The following LRP3 variants were observed in gnomAD, a reference collection of about 807,000 sequenced individuals.
LRP3 encodes low-density lipoprotein receptor-related protein 3.
Under a neutral mutation model 58.5 loss-of-function variants are expected in LRP3, and 49 were observed. The ratio of observed to expected loss-of-function variants is 0.84; its 90% CI spans 0.67 to 1.06. LRP3 has a LOEUF of 1.06. Among genes scored for constraint, LRP3 ranks in the 50% least tolerant of loss-of-function variants. The probability of loss-of-function intolerance (pLI) is 0.00; values close to 1 mark genes in which losing one functional copy is unlikely to be tolerated. For synonymous variants in LRP3, 485 were observed against 492.2 expected (o/e 0.99, Z 0.20); for missense variants, 1,019 against 1,134.2 (o/e 0.90, Z 1.46).
intron 1 of LRP3, 105 bp downstream of exon 1, chr19:33,194,963 C>T: frequency 2.1e-6 from 1 of 473,624 alleles, no homozygotes; most frequent in Non-Finnish European, 2.9e-6. Context: ...AGCCCCCCAC[C>T]GCGGTGGCTC....
In LRP3 at chr19:33,207,261, C is replaced by T. The variant is rs1974431030; in HGVS notation, c.1999C>T (p.Pro667Ser). The change falls in exon 7 of 7, where the codon CCC becomes TCC. Residue 667 changes from proline to serine, a missense_variant. By Grantham distance (74) the Pro-to-Ser change is moderately conservative (BLOSUM62 -1). Coordinates refer to ENST00000253193, the MANE Select transcript of LRP3 (RefSeq NM_002333.4). ...TGSTRAAGDR[P>S]PSAPGRAPEV... ...CAGCACCAGGGCGGCCGGAGACAGG[C>T]CCCCCAGTGCCCCCGGCCGTGCACC... The T allele has an allele frequency of 2.6e-6, 4 of 1,548,038 alleles. No individual in the cohort carries two copies. The highest frequency in any genetic ancestry group is 1.2e-5 in the South Asian group (1 of 83,126).
chr19:33,202,357 G>A (rs977174319), intron 2 of LRP3, among the ~76,000 whole-genome samples: 2 of 152,234 alleles, frequency 1.3e-5, no homozygotes, highest in African/African-American at 2.4e-5. Flanking sequence ...ACCTTACTCA[G>A]TGTGCCTACC....
Position 33,205,859 on chromosome 19 carries a change from G to A in LRP3, c.1089G>A (p.Gln363=). The change falls in exon 5 of 7, where the codon CAG becomes CAA. Residue 363 remains glutamine (Q), a synonymous_variant. Transcript: ENST00000253193. Reference sequence around the variant, plus strand: ...GCCACGGCTTCAATGCCACCTACCAGGTGAAGGGCTATTGCCTCCCCTGGG... The same window carrying A: ...GCCACGGCTTCAATGCCACCTACCAAGTGAAGGGCTATTGCCTCCCCTGGG... ...SAGHGFNATY[Q]VKGYCLPWEQ... is the part of the protein sequence containing the mutation. 1 of 1,602,382 alleles carries A rather than the reference G, an allele frequency of 6.2e-7. No individual in the cohort carries two copies. Among genetic ancestry groups the A allele is most frequent in the Non-Finnish European group, 8.5e-7 (1 of 1,174,442 alleles).
rs772392322 is a variant in LRP3 at position 33,206,142 on chromosome 19, G to A, written c.1372G>A (p.Gly458Ser). The A allele has an allele frequency of 1.4e-5, 22 of 1,607,958 alleles. No individual in the cohort carries two copies. In the Admixed American group the frequency reaches 2.3e-4, roughly 17 times the overall value. The change falls in exon 5 of 7, where the codon GGC (glycine) becomes AGC (serine). Residue 458 changes from glycine to serine, a missense_variant. Around this residue, in one of 2 missense-constraint regions of LRP3, gnomAD observed 592 missense variants for 725.5 expected, o/e 0.82. Coordinates refer to ENST00000253193, the MANE Select transcript of LRP3 (RefSeq NM_002333.4). ...GAAGAACTGCTTCTCCTGCCAGCCC[G>A]GCACCTTCCACTGCGGTACCAACCT... ...DEKNCFSCQPGTFHCGTNLCI... is the reference protein window; with the variant it reads ...DEKNCFSCQPSTFHCGTNLCI...
Position 33,194,485 on chromosome 19 carries a change from G to A in LRP3, c.-301G>A, listed in dbSNP as rs972869682. On this transcript the variant is annotated 5_prime_UTR_variant, in exon 1 of 7. Transcript: ENST00000253193. ...CCAGGCCGGCCGCGGCGGGGCTCCCGGGGCGCGGGGGCAGCGGCGGGCGGG... is the reference window on the plus strand; with the variant it reads ...CCAGGCCGGCCGCGGCGGGGCTCCCAGGGCGCGGGGGCAGCGGCGGGCGGG... 1 of 144,342 alleles carries A rather than the reference G, an allele frequency of 6.9e-6. No individual in the cohort carries two copies. Among genetic ancestry groups the A allele is most frequent in the African/African-American group, 2.5e-5 (1 of 40,332 alleles). 8.9% of individuals were successfully genotyped at this position (144,342 alleles called of 1,614,324 possible). A position where few individuals can be genotyped will look rare whatever the true frequency, so the allele number is the denominator to read the frequency against.
intron 1 of LRP3, among the ~76,000 whole-genome samples, chr19:33,196,414 C>A (rs574588104): frequency 3.9e-5 from 6 of 152,284 alleles, no homozygotes; most frequent in African/African-American, 1.4e-4. Context: ...AAAAAATAAC[C>A]AGGCATAGTG....
intron 2 of LRP3, among the ~76,000 whole-genome samples, chr19:33,198,877 CG>C (rs1444525503): frequency 6.6e-6 from 1 of 152,174 alleles, no homozygotes; most frequent in Non-Finnish European, 1.5e-5. Context: ...GGCAGGTTGG[CG>C]GGGGTATTGA....
At chr19:33,200,639 T>TGGGGCC (rs1974332229) in intron 2 of LRP3, among the ~76,000 whole-genome samples, 1 of 152,226 alleles carries the variant, frequency 6.6e-6, no homozygotes. Flanking sequence ...GGAACCAGGC[T>TGGGGCC]GGGGCCGGGG....
chr19:33,207,094 T>C lies in LRP3; in HGVS notation c.1832T>C (p.Leu611Pro). ...RRRLGRLWNRLFHRPRAPRGQ... is the reference protein window; with the variant it reads ...RRRLGRLWNRPFHRPRAPRGQ... ...CGCCTCGGCCGCCTCTGGAACCGGCTCTTTCACCGGCCGCGGGCGCCCCGA... is the reference window on the plus strand; with the variant it reads ...CGCCTCGGCCGCCTCTGGAACCGGCCCTTTCACCGGCCGCGGGCGCCCCGA... Residue 611 changes from leucine (L) to proline (P), a missense_variant, in exon 7 of 7, where the codon CTC becomes CCC. Physicochemically the swap from Leu to Pro is moderately conservative, Grantham distance 98. Transcript: ENST00000253193. The C allele has an allele frequency of 2.0e-6, 3 of 1,524,358 alleles. No individual in the cohort carries two copies. The highest frequency in any genetic ancestry group is 2.6e-6 in the Non-Finnish European group (3 of 1,140,088). 94.4% of individuals were successfully genotyped at this position (1,524,358 alleles called of 1,614,324 possible). A position where few individuals can be genotyped will look rare whatever the true frequency, so the allele number is the denominator to read the frequency against.
intron 1 of LRP3, among the ~76,000 whole-genome samples, chr19:33,195,857 G>A (rs1316130248): frequency 6.6e-6 from 1 of 152,176 alleles, no homozygotes; most frequent in Non-Finnish European, 1.5e-5. Context: ...AGCAGAGCAG[G>A]GGGACAGGCG....
In LRP3 at chr19:33,208,722, A is replaced by G; in HGVS notation, c.*1147A>G. ...CAGGAAGAGCTAGCAGGGCAGTGCTAAGACAGGAAACCCAGTCCACATTTT... is the reference window on the plus strand; with the variant it reads ...CAGGAAGAGCTAGCAGGGCAGTGCTGAGACAGGAAACCCAGTCCACATTTT... On this transcript the variant is annotated 3_prime_UTR_variant, in exon 7 of 7. Coordinates refer to ENST00000253193, the MANE Select transcript of LRP3 (RefSeq NM_002333.4). This position sits in a 1 kb window ranked among gnomAD's most constrained non-coding sequence, Gnocchi z 4.7. 1.2e-6 allele frequency: 1 copy of G among 840,014 alleles called. No individual in the cohort carries two copies. The highest frequency in any genetic ancestry group is 1.6e-5 in the South Asian group (1 of 61,394). The allele number at this position is 840,014 out of a possible 1,614,324, so 52.0% of individuals were successfully genotyped here. A position where few individuals can be genotyped will look rare whatever the true frequency, so the allele number is the denominator to read the frequency against.
In LRP3 at chr19:33,207,253, G is replaced by T; in HGVS notation, c.1991G>T (p.Gly664Val). ...LMDTGSTRAA[G>V]DRPPSAPGRA... is the part of the protein sequence containing the mutation. Reference sequence around the variant, plus strand: ...GACACAGGCAGCACCAGGGCGGCCGGAGACAGGCCCCCCAGTGCCCCCGGC... The same window carrying T: ...GACACAGGCAGCACCAGGGCGGCCGTAGACAGGCCCCCCAGTGCCCCCGGC... Residue 664 changes from glycine to valine, a missense_variant, in exon 7 of 7, where the codon GGA becomes GTA. By Grantham distance (109) the Gly-to-Val change is moderately radical. Coordinates refer to ENST00000253193, the MANE Select transcript of LRP3 (RefSeq NM_002333.4). 6.4e-7 allele frequency: 1 copy of T among 1,555,322 alleles called. No homozygotes were observed. Among genetic ancestry groups the T allele is most frequent in the Non-Finnish European group, 8.6e-7 (1 of 1,158,328 alleles).
rs1568382852 is a variant in LRP3, at chr19:33,204,779, T to C, written c.402T>C (p.His134=). ...IPPAFISARD[H]VWIFFHSDAS... Reference sequence around the variant, plus strand: ...CTGCCTTCATCTCTGCCCGCGACCATGTCTGGATTTTCTTCCACTCAGACG... The same window carrying C: ...CTGCCTTCATCTCTGCCCGCGACCACGTCTGGATTTTCTTCCACTCAGACG... The change falls in exon 4 of 7, where the codon CAT becomes CAC. Residue 134 remains histidine, a synonymous_variant. Coordinates refer to ENST00000253193, the MANE Select transcript of LRP3 (RefSeq NM_002333.4). 3 of 1,613,230 alleles carry C rather than the reference T, an allele frequency of 1.9e-6. No individual in the cohort carries two copies. The highest frequency in any genetic ancestry group is 1.3e-5 in the African/African-American group (1 of 74,894).
At chr19:33,202,423 C>G (rs1486246320) in intron 2 of LRP3, among the ~76,000 whole-genome samples, 1 of 152,204 alleles carries the variant, frequency 6.6e-6, no homozygotes, top group Non-Finnish European at 1.5e-5. Flanking sequence ...TGAGCAAAGC[C>G]TCAGGGAAGG....
At position 33,207,442 on chromosome 19, in the gene LRP3, AC is replaced by A; in HGVS notation, c.2185del (p.Gln729ArgfsTer49). ...GAGCCCTGCTCAGCCCAGGACCCGC[AC>A]CCCCAGGTCTCCACTGCCAGCAGCA... ...PREPCSAQDP[H>X]PQVSTASSTL... On this transcript the variant is annotated frameshift_variant, in exon 7 of 7. Transcript: ENST00000253193. LOFTEE classifies it high-confidence loss of function. 2.5e-6 allele frequency: 4 copies of A among 1,596,270 alleles called. No individual in the cohort carries two copies. Among genetic ancestry groups the A allele is most frequent in the Non-Finnish European group, 1.7e-6 (2 of 1,176,008 alleles).
intron 1 of LRP3, 30 bp downstream of exon 1, chr19:33,194,888 C>T: frequency 9.1e-7 from 1 of 1,094,596 alleles, no homozygotes; most frequent in Non-Finnish European, 1.1e-6. Flanking sequence ...CGGGCAGGTC[C>T]GGGTCCCCCG....
At position 33,206,327 on chromosome 19, in the gene LRP3, C is replaced by G. The variant is rs567190566; in HGVS notation, c.1557C>G (p.Ala519=). Residue 519 remains alanine (A), a synonymous_variant, in exon 5 of 7, where the codon GCC becomes GCG. Transcript: ENST00000253193. ...GLLLVIALGC[A]FKLYSLRTQE... ...TGCTGGTCATCGCGCTGGGCTGCGCCTTCAAGCTCTACTCACTGCGCACGC... is the reference window on the plus strand; with the variant it reads ...TGCTGGTCATCGCGCTGGGCTGCGCGTTCAAGCTCTACTCACTGCGCACGC... The G allele has an allele frequency of 6.2e-7, 1 of 1,600,652 alleles. No homozygotes were observed. Among genetic ancestry groups the G allele is most frequent in the East Asian group, 2.2e-5 (1 of 44,598 alleles).
rs1223936073 is a variant in LRP3 at position 33,207,836 on chromosome 19, A to G, written c.*261A>G. On this transcript the variant is annotated 3_prime_UTR_variant, in exon 7 of 7. Coordinates refer to ENST00000253193, the MANE Select transcript of LRP3 (RefSeq NM_002333.4). ...CCTGGGGTCTCACTTCTCTCCCCCC[A>G]CTCCATTCTGGGAACCCATTTCCAG... 1.9e-6 allele frequency: 1 copy of G among 519,376 alleles called. No individual in the cohort carries two copies. The highest frequency in any genetic ancestry group is 3.4e-6 in the Non-Finnish European group (1 of 295,302). The allele number at this position is 519,376 out of a possible 1,614,324, so 32.2% of individuals were successfully genotyped here. A position where few individuals can be genotyped will look rare whatever the true frequency, so the allele number is the denominator to read the frequency against.
chr19:33,200,840 C>A (rs925354906), intron 2 of LRP3, among the ~76,000 whole-genome samples: 1 of 152,194 alleles, frequency 6.6e-6, no homozygotes, highest in Non-Finnish European at 1.5e-5. Flanking sequence ...CCTCACTGAC[C>A]TGGGACTGTC....
Sources: allele counts gnomAD v4.1 joint callset (sites outside exome capture counted in the v4.1 genomes callset), GRCh38; gene constraint gnomAD v4.1.1; regional missense constraint gnomAD v4.1.1; non-coding constraint Gnocchi (gnomAD v3.1); transcripts MANE v1.5; gene names NCBI Gene and HGNC (gene_info 2026-07-23, HGNC 2026-07-21).